Variants in MBNL1 observed in about 807,000 individuals in gnomAD.
MBNL1 encodes the protein muscleblind-like protein 1.
In MBNL1, 8 loss-of-function variants were observed where a neutral mutation model predicts 42.2. The observed-to-expected ratio is 0.19, with a 90% CI of 0.11 to 0.34. The LOEUF (loss-of-function observed/expected upper bound fraction) is 0.34. Ranked by LOEUF, MBNL1 falls within the 10% of genes least tolerant of loss-of-function variation. The pLI is 1.00. For synonymous variants in MBNL1, 169 were observed against 173.9 expected (o/e 0.97, Z 0.22); for missense variants, 309 against 495.3 (o/e 0.62, Z 3.57).
intron 2 of MBNL1, among the ~76,000 whole-genome samples, chr3:152,332,692 T>TTGTGTGTGTGTG (rs71144115): frequency 2.3e-5 from 3 of 132,926 alleles, no homozygotes; most frequent in Non-Finnish European, 4.8e-5. Flanking sequence ...TTTCATGGTT[T>TTGTGTGTGTGTG]TGTGTGTGTG....
intron 1 of MBNL1, among the ~76,000 whole-genome samples, chr3:152,288,948 G>GAAA: frequency 6.6e-6 from 1 of 152,106 alleles, no homozygotes; most frequent in Admixed American, 6.5e-5. Flanking sequence ...TCTATTTATA[G>GAAA]AAAAACAGAC....
intron 2 of MBNL1, among the ~76,000 whole-genome samples, chr3:152,333,449 C>T (rs1485515414): frequency 2.6e-5 from 4 of 152,110 alleles, no homozygotes; most frequent in South Asian, 2.1e-4. Context: ...TGGCCAAACA[C>T]GACATTTCCT....
chr3:152,344,643 T>C (rs574549062), intron 2 of MBNL1, among the ~76,000 whole-genome samples: 51 of 152,184 alleles, frequency 3.4e-4, no homozygotes, highest in African/African-American at 1.2e-3. Context: ...TCAAGAAGAG[T>C]CTCTTAAATT....
intron 2 of MBNL1, among the ~76,000 whole-genome samples, chr3:152,406,490 G>A (rs990623295): frequency 2.0e-5 from 3 of 152,170 alleles, no homozygotes; most frequent in African/African-American, 7.2e-5. Context: ...AAGAATGTGT[G>A]TGTGATTTGT....
At chr3:152,390,540 T>C (rs55797621) in intron 2 of MBNL1, among the ~76,000 whole-genome samples, 33,318 of 151,332 alleles carry the variant, frequency 0.22, 3,862 homozygotes, top group South Asian at 0.29. Context: ...ATAAGTAGTA[T>C]AGTAAATAAG....
At chr3:152,247,741 T>G (rs1427425725) in intron 2 of MBNL1, among the ~76,000 whole-genome samples, 1 of 152,040 alleles carries the variant, frequency 6.6e-6, no homozygotes, top group Non-Finnish European at 1.5e-5. Flanking sequence ...TATTTTTATC[T>G]TTATATACAT....
chr3:152,303,064 A>G (rs996327189), intron 2 of MBNL1, among the ~76,000 whole-genome samples: 1 of 151,966 alleles, frequency 6.6e-6, no homozygotes, highest in African/African-American at 2.4e-5. Context: ...GAAAGTATTC[A>G]TTTATGTAAA....
chr3:152,338,013 A>G (rs73154172), intron 2 of MBNL1: 4 of 864,084 alleles, frequency 4.6e-6, no homozygotes, highest in Non-Finnish European at 5.6e-6. Flanking sequence ...TTTGTAAATT[A>G]AATATTGCGA....
chr3:152,339,491 C>T (rs887025267), intron 2 of MBNL1, among the ~76,000 whole-genome samples: 3 of 151,438 alleles, frequency 2.0e-5, no homozygotes, highest in South Asian at 4.2e-4. Context: ...TTTTTTCCCC[C>T]GCCTCTATTT....
chr3:152,328,703 T>G (rs1037597176), intron 2 of MBNL1, among the ~76,000 whole-genome samples: 6 of 152,158 alleles, frequency 3.9e-5, no homozygotes, highest in Non-Finnish European at 7.4e-5. Context: ...TTTGCTGGAG[T>G]ACCTTATCAG....
At chr3:152,281,075 G>A (rs2048161343) in intron 1 of MBNL1, among the ~76,000 whole-genome samples, 1 of 152,098 alleles carries the variant, frequency 6.6e-6, no homozygotes, top group Non-Finnish European at 1.5e-5. Flanking sequence ...AGCCATTCTA[G>A]TAATTATTAA....
chr3:152,402,931 A>T (rs2098289312), intron 2 of MBNL1, among the ~76,000 whole-genome samples: 1 of 152,094 alleles, frequency 6.6e-6, no homozygotes. Context: ...GGGAAGGAAG[A>T]TGTGTAAACA....
At chr3:152,346,425 C>T (rs2094249918) in intron 2 of MBNL1, among the ~76,000 whole-genome samples, 1 of 151,992 alleles carries the variant, frequency 6.6e-6, no homozygotes, top group African/African-American at 2.4e-5. Flanking sequence ...TTTAAAAACG[C>T]AGTTTTCCTT....
intron 1 of MBNL1, among the ~76,000 whole-genome samples, chr3:152,297,377 A>T (rs2059070040): frequency 7.3e-6 from 1 of 136,376 alleles, no homozygotes; most frequent in Non-Finnish European, 1.5e-5. Context: ...GGAGTCTCAC[A>T]CTGTCTTCCG....
rs527604365 is a variant in MBNL1, at chr3:152,465,085, G to A, written c.*2719G>A. 2.3e-4 allele frequency: 35 copies of A among 152,518 alleles called. No individual in the cohort carries two copies. The South Asian group carries it at 6.8e-3, about 30-fold the overall frequency. The allele number at this position is 152,518 out of a possible 1,614,324, so 9.4% of individuals were successfully genotyped here. Reference sequence around the variant, plus strand: ...CCTCATGACTGACAAAAACTCCATGGGGCCAAATCTGCCTGAAGATCATTA... The same window carrying A: ...CCTCATGACTGACAAAAACTCCATGAGGCCAAATCTGCCTGAAGATCATTA... On this transcript the variant is annotated 3_prime_UTR_variant, in exon 10 of 10. Coordinates refer to ENST00000324210, the MANE Select transcript of MBNL1 (RefSeq NM_021038.5).
chr3:152,338,646 A>G, intron 2 of MBNL1: 4 of 985,410 alleles, frequency 4.1e-6, no homozygotes, highest in Middle Eastern at 5.2e-4. Flanking sequence ...TCAAAGCACC[A>G]AGAAACCTCT....
chr3:152,325,354 C>T (rs1324836536), intron 2 of MBNL1, among the ~76,000 whole-genome samples: 1 of 151,984 alleles, frequency 6.6e-6, no homozygotes, highest in Non-Finnish European at 1.5e-5. Context: ...CTACGACTTA[C>T]ACCTTTGTGT....
chr3:152,376,039 A>C (rs1202937721), intron 2 of MBNL1, among the ~76,000 whole-genome samples: 1 of 152,078 alleles, frequency 6.6e-6, no homozygotes. Context: ...TGTTTCCTGG[A>C]TAAATTTCTC....
chr3:152,419,428 A>C (rs1036808629), intron 3 of MBNL1, among the ~76,000 whole-genome samples: 2 of 152,132 alleles, frequency 1.3e-5, no homozygotes, highest in Non-Finnish European at 2.9e-5. Flanking sequence ...ACAGAGGGTA[A>C]GCAGAAGCAT....
Sources: allele counts gnomAD v4.1 joint callset (sites outside exome capture counted in the v4.1 genomes callset), GRCh38; gene constraint gnomAD v4.1.1; transcripts MANE v1.5; gene names NCBI Gene and HGNC (gene_info 2026-07-23, HGNC 2026-07-21).